Variants in ARHGEF12 observed in about 807,000 individuals in gnomAD.
The protein encoded by ARHGEF12 is Rho guanine nucleotide exchange factor 12, also known as KMT2A/ARHGEF12 fusion protein.
A neutral mutation model predicts 211.2 loss-of-function variants in ARHGEF12; 66 were observed. The observed-to-expected ratio is 0.31, with a 90% CI of 0.26 to 0.38. The LOEUF is 0.38. Ranked by LOEUF, ARHGEF12 falls within the 10% of genes least tolerant of loss-of-function variation. The pLI, the probability that ARHGEF12 is intolerant of heterozygous loss-of-function variation, is 1.00. For synonymous variants in ARHGEF12, 592 were observed against 638.4 expected, an observed-to-expected ratio of 0.93 and a Z score of 1.09; for missense variants, 1,429 against 1,869.5, an observed-to-expected ratio of 0.76 and a Z score of 4.34.
At chr11:120,470,950 A>G (rs759854821) in intron 30 of ARHGEF12, among the ~76,000 whole-genome samples, 1 of 152,130 alleles carries the variant, frequency 6.6e-6, no homozygotes, top group Non-Finnish European at 1.5e-5. Flanking sequence ...CCTAACTGAC[A>G]TTTTACTAAA....
chr11:120,469,429 GA>G, intron 30 of ARHGEF12, 41 bp downstream of exon 30: 1 of 1,464,474 alleles, frequency 6.8e-7, no homozygotes, highest in Non-Finnish European at 9.4e-7. Flanking sequence ...GACATTGGGA[GA>G]ACATTAAATT....
intron 1 of ARHGEF12, among the ~76,000 whole-genome samples, chr11:120,397,840 A>G (rs891681520): frequency 1.3e-5 from 2 of 152,200 alleles, no homozygotes; most frequent in Non-Finnish European, 1.5e-5. Flanking sequence ...AAAGTTGTCA[A>G]TATGTCCAGT....
At chr11:120,457,961 T>A in intron 24 of ARHGEF12, 119 bp from the exon 25 acceptor site, 2 of 1,290,548 alleles carry the variant, frequency 1.5e-6, no homozygotes, top group Non-Finnish European at 2.1e-6. Flanking sequence ...GAGGATGAAA[T>A]TTCAGTGCTA....
At chr11:120,477,668 C>A in intron 36 of ARHGEF12, 142 bp downstream of exon 36, 1 of 639,358 alleles carries the variant, frequency 1.6e-6, no homozygotes, top group Non-Finnish European at 2.6e-6. Flanking sequence ...AGTTAGAGGC[C>A]AACCTGACCA....
chr11:120,412,165 TA>T (rs1000281489), intron 4 of ARHGEF12, among the ~76,000 whole-genome samples: 4 of 152,224 alleles, frequency 2.6e-5, no homozygotes, highest in Admixed American at 2.6e-4. Context: ...TAATAATACT[TA>T]ATTTTATTAA....
intron 28 of ARHGEF12, among the ~76,000 whole-genome samples, chr11:120,465,904 T>C (rs568241391): frequency 1.6e-4 from 25 of 152,344 alleles, no homozygotes; most frequent in African/African-American, 5.8e-4. Flanking sequence ...CCACGAGGCT[T>C]TTATCAGTAA....
At position 120,485,127 on chromosome 11, in the gene ARHGEF12, C is replaced by T; in HGVS notation, c.*50C>T. 1 of 1,609,064 alleles carries T rather than the reference C, an allele frequency of 6.2e-7. No individual in the cohort carries two copies. Among genetic ancestry groups the T allele is most frequent in the Non-Finnish European group, 8.5e-7 (1 of 1,176,146 alleles). On this transcript the variant is annotated 3_prime_UTR_variant, in exon 41 of 41. Coordinates refer to ENST00000397843, the MANE Select transcript of ARHGEF12 (RefSeq NM_015313.3). ...CAGGTTGTTGGATTTGGAGTATCGG[C>T]CGTGTCTCACCACATCCTGGCTCCA...
intron 1 of ARHGEF12, among the ~76,000 whole-genome samples, chr11:120,364,988 T>C (rs1438477308): frequency 1.3e-5 from 2 of 152,126 alleles, no homozygotes; most frequent in Non-Finnish European, 2.9e-5. Flanking sequence ...GCTCTCACTA[T>C]GTTGCCCAGG....
intron 25 of ARHGEF12, 177 bp from the exon 26 acceptor site, chr11:120,458,997 G>T: frequency 2.1e-6 from 1 of 467,950 alleles, no homozygotes; most frequent in East Asian, 3.7e-5. Flanking sequence ...AACTCTCAGA[G>T]CCAGTATGTA....
intron 11 of ARHGEF12, among the ~76,000 whole-genome samples, chr11:120,436,133 A>G (rs1945687070): frequency 1.3e-5 from 2 of 152,062 alleles, no homozygotes; most frequent in Non-Finnish European, 2.9e-5. Flanking sequence ...GAACTCATAG[A>G]TTTCAGTATG....
At chr11:120,425,400 A>G (rs1945314526) in intron 7 of ARHGEF12, among the ~76,000 whole-genome samples, 1 of 149,500 alleles carries the variant, frequency 6.7e-6, no homozygotes, top group African/African-American at 2.5e-5. Flanking sequence ...GCAATGGTGC[A>G]ATTATAGCTC....
intron 1 of ARHGEF12, among the ~76,000 whole-genome samples, chr11:120,359,368 C>T (rs546452531): frequency 3.9e-4 from 60 of 152,204 alleles, no homozygotes; most frequent in Non-Finnish European, 7.9e-4. Flanking sequence ...GGACTACAGG[C>T]ATGCCACCAT....
At chr11:120,350,312 G>A (rs1306397124) in intron 1 of ARHGEF12, among the ~76,000 whole-genome samples, 8 of 152,072 alleles carry the variant, frequency 5.3e-5, no homozygotes, top group Admixed American at 6.6e-5. Context: ...TCAGGAGATC[G>A]AGACCATCCT....
chr11:120,382,613 G>A (rs979632640), intron 1 of ARHGEF12, among the ~76,000 whole-genome samples: 1 of 152,224 alleles, frequency 6.6e-6, no homozygotes, highest in Non-Finnish European at 1.5e-5. Flanking sequence ...TTTATAGTCT[G>A]ATCAGCGGAT....
chr11:120,372,086 C>A (rs1943605012), intron 1 of ARHGEF12, among the ~76,000 whole-genome samples: 1 of 152,210 alleles, frequency 6.6e-6, no homozygotes, highest in Non-Finnish European at 1.5e-5. Flanking sequence ...ATGCTTTCAA[C>A]ATTTTTGTGT....
intron 1 of ARHGEF12, among the ~76,000 whole-genome samples, chr11:120,399,253 C>T (rs930340128): frequency 8.2e-5 from 10 of 121,994 alleles, no homozygotes; most frequent in Admixed American, 2.2e-4. Context: ...CCCAGGAGTT[C>T]GAGGTTACAG....
rs1000267148 is a variant in ARHGEF12, at chr11:120,478,404, T to G, written c.3766+15T>G. 10 of 1,602,160 alleles carry G rather than the reference T, an allele frequency of 6.2e-6. No homozygotes were observed. The highest frequency in any genetic ancestry group is 1.7e-5 in the Admixed American group (1 of 60,002). Reference sequence around the variant, plus strand: ...ACTAAGAAATTGTAAGTTTTATTCATAACTTATTACAGATACTTACTAAGT... The same window carrying G: ...ACTAAGAAATTGTAAGTTTTATTCAGAACTTATTACAGATACTTACTAAGT... On this transcript the variant is annotated intron_variant, in intron 37 of 40. Coordinates refer to ENST00000397843, the MANE Select transcript of ARHGEF12 (RefSeq NM_015313.3).
chr11:120,346,697 GTTTC>G (rs938939223), intron 1 of ARHGEF12, among the ~76,000 whole-genome samples: 3 of 152,130 alleles, frequency 2.0e-5, no homozygotes, highest in African/African-American at 7.2e-5. Flanking sequence ...GTCTATGAAA[GTTTC>G]TTTTTTTTTA....
intron 1 of ARHGEF12, among the ~76,000 whole-genome samples, chr11:120,387,504 C>T (rs1285031756): frequency 6.6e-6 from 1 of 151,886 alleles, no homozygotes; most frequent in Non-Finnish European, 1.5e-5. Context: ...CAAAAGATTC[C>T]CTGGGGGCCA....
Sources: gnomAD v4.1 joint callset for allele counts (sites outside exome capture counted in the v4.1 genomes callset) on GRCh38, gnomAD v4.1.1 for gene constraint, MANE v1.5 for transcripts, NCBI Gene and HGNC (gene_info 2026-07-23, HGNC 2026-07-21) for gene names.